The following MIX23 variants were observed in gnomAD, a reference collection of about 807,000 sequenced individuals.
MIX23 encodes mitochondrial matrix import factor 23, also known as protein MIX23.
MIX23 carries 13 observed loss-of-function variants against 21.6 expected under a neutral mutation model. The ratio of observed to expected loss-of-function variants is 0.60; its 90% CI spans 0.39 to 0.96. MIX23 has a LOEUF of 0.96. Ranked by LOEUF, MIX23 falls within the 40% of genes least tolerant of loss-of-function variation. The pLI is 0.00. For missense variants in MIX23, 144 were observed against 171.2 expected (o/e 0.84, Z 0.89); for synonymous variants, 59 against 58.0 (o/e 1.02, Z -0.08).
At chr3:122,368,884 G>C (rs956245255) in intron 2 of MIX23, among the ~76,000 whole-genome samples, 20 of 152,176 alleles carry the variant, frequency 1.3e-4, no homozygotes, top group African/African-American at 3.6e-4. Flanking sequence ...TAAAATATAA[G>C]TATTGATAAG....
intron 3 of MIX23, among the ~76,000 whole-genome samples, chr3:122,367,670 G>A (rs2075407216): frequency 6.6e-6 from 1 of 152,172 alleles, no homozygotes; most frequent in African/African-American, 2.4e-5. Context: ...AGTAAATCTG[G>A]TTATATTTAA....
intron 1 of MIX23, among the ~76,000 whole-genome samples, chr3:122,373,792 G>A (rs754221604): frequency 2.6e-5 from 4 of 152,036 alleles, no homozygotes; most frequent in Non-Finnish European, 5.9e-5. Flanking sequence ...GAAGTGAAAC[G>A]GCTTGCAGAA....
At chr3:122,369,705 A>G (rs1368083791) in intron 2 of MIX23, among the ~76,000 whole-genome samples, 4 of 152,188 alleles carry the variant, frequency 2.6e-5, no homozygotes, top group Admixed American at 1.3e-4. Context: ...AAAAACAACA[A>G]CTTGTGATTC....
intron 3 of MIX23, chr3:122,365,577 A>G (rs1236660335): frequency 6.6e-6 from 1 of 152,194 alleles, no homozygotes; most frequent in East Asian, 1.9e-4. Flanking sequence ...CATGCAACTC[A>G]CTGATTGGTT....
intron 1 of MIX23, among the ~76,000 whole-genome samples, chr3:122,382,189 G>A (rs1331470342): frequency 1.3e-5 from 2 of 152,190 alleles, no homozygotes; most frequent in Admixed American, 6.5e-5. Flanking sequence ...AAAAATAAGA[G>A]TTGCAAAAAT....
chr3:122,375,667 A>C, intron 1 of MIX23, among the ~76,000 whole-genome samples: 3 of 152,320 alleles, frequency 2.0e-5, no homozygotes, highest in Middle Eastern at 6.8e-3. Context: ...CTTGTATAAT[A>C]AAACTTTTTT....
chr3:122,374,006 C>G (rs994282945), intron 1 of MIX23, among the ~76,000 whole-genome samples: 1 of 148,580 alleles, frequency 6.7e-6, no homozygotes, highest in African/African-American at 2.5e-5. Context: ...AAATTCCAAA[C>G]AAATGATGGC....
chr3:122,360,018 T>A, intron 4 of MIX23, 99 bp from the exon 5 acceptor site: 1 of 1,176,498 alleles, frequency 8.5e-7, no homozygotes, highest in Non-Finnish European at 1.2e-6. Flanking sequence ...GCTATTACCA[T>A]TTTTGTCCTA....
At chr3:122,370,289 C>A (rs932365995) in intron 2 of MIX23, among the ~76,000 whole-genome samples, 5 of 151,496 alleles carry the variant, frequency 3.3e-5, no homozygotes, top group Admixed American at 6.6e-5. Context: ...CCTATCTCTA[C>A]CAAAAAATAC....
intron 1 of MIX23, chr3:122,372,860 CAG>C (rs1227853696): frequency 1.2e-5 from 3 of 246,158 alleles, no homozygotes. Context: ...GAAAATAAAA[CAG>C]AATTATATAA....
intron 2 of MIX23, among the ~76,000 whole-genome samples, chr3:122,370,517 C>A (rs2075433517): frequency 6.7e-6 from 1 of 149,830 alleles, no homozygotes; most frequent in Non-Finnish European, 1.5e-5. Context: ...TCAAGGTTAC[C>A]CAGCTAGGAG....
chr3:122,365,816 A>C (rs754767855), intron 3 of MIX23, among the ~76,000 whole-genome samples: 3 of 152,178 alleles, frequency 2.0e-5, no homozygotes, highest in Non-Finnish European at 4.4e-5. Flanking sequence ...TTCCTTTGTC[A>C]ACACCTTCAA....
chr3:122,374,119 TAAAAAAAAAGCC>T (rs1559993061), intron 1 of MIX23, among the ~76,000 whole-genome samples: 2 of 136,670 alleles, frequency 1.5e-5, no homozygotes, highest in Non-Finnish European at 1.6e-5. Flanking sequence ...TTTTTTTTTT[TAAAAAAAAAGCC>T]TCTTTAAATT....
chr3:122,377,509 G>C (rs187001194), intron 1 of MIX23, among the ~76,000 whole-genome samples: 15 of 152,276 alleles, frequency 9.9e-5, no homozygotes, highest in African/African-American at 3.1e-4. Context: ...TCAGAAGAAA[G>C]GTTTAACGGA....
intron 2 of MIX23, among the ~76,000 whole-genome samples, chr3:122,369,565 TTGATATACA>T (rs2075423224): frequency 6.6e-6 from 1 of 152,222 alleles, no homozygotes; most frequent in African/African-American, 2.4e-5. Flanking sequence ...TAAGCTTTAC[TTGATATACA>T]TGTTGCTGAA....
At chr3:122,365,718 C>T (rs2107677679) in intron 3 of MIX23, 1 of 152,312 alleles carries the variant, frequency 6.6e-6, no homozygotes, top group Non-Finnish European at 1.5e-5. Context: ...TTGAACTTTG[C>T]TCTCCACTAA....
chr3:122,380,044 C>T (rs975105970), intron 1 of MIX23, among the ~76,000 whole-genome samples: 4 of 152,048 alleles, frequency 2.6e-5, no homozygotes, highest in South Asian at 2.1e-4. Context: ...TTCTGTTGCC[C>T]CTACAATTAT....
At chr3:122,383,012 C>G in intron 1 of MIX23, 162 bp downstream of exon 1, 2 of 877,748 alleles carry the variant, frequency 2.3e-6, no homozygotes, top group Non-Finnish European at 3.8e-6. Flanking sequence ...GCCTCGCTCC[C>G]TAAGGCCAAA....
chr3:122,365,901 C>T (rs1464987231), intron 3 of MIX23, among the ~76,000 whole-genome samples: 1 of 152,062 alleles, frequency 6.6e-6, no homozygotes, highest in Non-Finnish European at 1.5e-5. Context: ...GCCGGCTGGA[C>T]ACGGTGGCTC....
Sources: gnomAD v4.1 joint callset for allele counts (sites outside exome capture counted in the v4.1 genomes callset) on GRCh38, gnomAD v4.1.1 for gene constraint, MANE v1.5 for transcripts, NCBI Gene and HGNC (gene_info 2026-07-23, HGNC 2026-07-21) for gene names.